The following CNTNAP5 variants were observed in gnomAD, a reference collection of about 807,000 sequenced individuals.
CNTNAP5 encodes the protein contactin-associated protein-like 5.
CNTNAP5 carries 72 observed loss-of-function variants against 150.2 expected under a neutral mutation model. That is an observed-to-expected ratio of 0.48 (90% CI 0.40 to 0.58). CNTNAP5 has a LOEUF of 0.58. Ranked by LOEUF, CNTNAP5 falls within the 20% of genes least tolerant of loss-of-function variation. CNTNAP5 has a pLI of 0.00. For missense variants in CNTNAP5, 1,636 were observed against 1,626.2 expected, an observed-to-expected ratio of 1.01 and a Z score of -0.10; for synonymous variants, 672 against 619.8, an observed-to-expected ratio of 1.08 and a Z score of -1.25.
chr2:124,739,546 C>T (rs544649744), intron 13 of CNTNAP5, among the ~76,000 whole-genome samples: 1 of 152,166 alleles, frequency 6.6e-6, no homozygotes, highest in Non-Finnish European at 1.5e-5. Flanking sequence ...CTTTGGTGGC[C>T]TCGTTCTCTA....
At chr2:124,489,764 C>T (rs775306894) in intron 7 of CNTNAP5, among the ~76,000 whole-genome samples, 3 of 152,036 alleles carry the variant, frequency 2.0e-5, no homozygotes, top group Admixed American at 6.6e-5. Context: ...CAATAGGCTG[C>T]TGGAGCTTGA....
intron 13 of CNTNAP5, among the ~76,000 whole-genome samples, chr2:124,682,806 G>C (rs1032750506): frequency 6.6e-6 from 1 of 152,094 alleles, no homozygotes. Context: ...AGTGTTGGTG[G>C]GATTTTGAAT....
At chr2:124,831,380 T>C (rs1682713483) in intron 19 of CNTNAP5, among the ~76,000 whole-genome samples, 1 of 151,922 alleles carries the variant, frequency 6.6e-6, no homozygotes, top group African/African-American at 2.4e-5. Flanking sequence ...ATTCCATTCA[T>C]ATACATTCTT....
intron 1 of CNTNAP5, among the ~76,000 whole-genome samples, chr2:124,168,928 A>C (rs1030912006): frequency 1.1e-4 from 17 of 152,098 alleles, no homozygotes; most frequent in African/African-American, 4.1e-4. Flanking sequence ...CCATCTGACC[A>C]TCCCTACCTC....
chr2:124,417,620 G>A (rs774108562), intron 4 of CNTNAP5, 30 bp downstream of exon 4: 26 of 1,598,394 alleles, frequency 1.6e-5, no homozygotes, highest in Middle Eastern at 1.7e-4. Flanking sequence ...CTTTACCATT[G>A]CTGAGTGTGA....
rs533260841 is a variant in CNTNAP5 at position 124,735,036 on chromosome 2, A to G, written c.2078-12193A>G. On this transcript the variant is annotated intron_variant, in intron 13 of 23. Transcript: ENST00000682447. ...GTTTTCAAAAACCCATATCCTGGGT[A>G]AAATGCATTAATGTATGGCTGTGTG... 3.3e-5 allele frequency among the ~76,000 whole-genome samples: 5 copies of G among 152,282 alleles called. No individual in the cohort carries two copies. The South Asian group carries it at 1.0e-3, about 32-fold the overall frequency.
At chr2:124,050,818 G>A (rs1681676583) in intron 1 of CNTNAP5, among the ~76,000 whole-genome samples, 1 of 152,192 alleles carries the variant, frequency 6.6e-6, no homozygotes, top group Non-Finnish European at 1.5e-5. Context: ...AGCTGGGATT[G>A]CACTTTGCAT....
Position 124,808,416 on chromosome 2 carries a change from C to T in CNTNAP5, c.3217+10096C>T, listed in dbSNP as rs314714. 1.8e-3 allele frequency among the ~76,000 whole-genome samples: 266 copies of T among 151,940 alleles called. 2 individuals are homozygous for T. Among genetic ancestry groups the T allele is most frequent in the African/African-American group, 5.9e-3 (244 of 41,450 alleles). The stretch of plus-strand genomic sequence containing the variant: ...CAGCCTGGCCAACATGGTGAAACTC[C>T]GTCTCTACTAAAAATACAAGAATTT... On this transcript the variant is annotated intron_variant, in intron 19 of 23. Transcript: ENST00000682447.
At chr2:124,302,987 C>T (rs368602023) in intron 3 of CNTNAP5, among the ~76,000 whole-genome samples, 2 of 152,240 alleles carry the variant, frequency 1.3e-5, no homozygotes, top group Middle Eastern at 3.4e-3. Context: ...ATTCTGACTA[C>T]GTAGATTTGC....
At chr2:124,413,324 G>C (rs1416681386) in intron 3 of CNTNAP5, among the ~76,000 whole-genome samples, 2 of 151,362 alleles carry the variant, frequency 1.3e-5, no homozygotes, top group Non-Finnish European at 2.9e-5. Context: ...TCATTGTGGC[G>C]ATTCCTCAGG....
At chr2:124,277,725 T>C (rs138822565) in intron 3 of CNTNAP5, among the ~76,000 whole-genome samples, 2 of 152,276 alleles carry the variant, frequency 1.3e-5, no homozygotes, top group Admixed American at 1.3e-4. Context: ...ACAGCTCTAA[T>C]GGAGGCAGGG....
chr2:124,688,705 A>T (rs535423572), intron 13 of CNTNAP5, among the ~76,000 whole-genome samples: 1 of 152,132 alleles, frequency 6.6e-6, no homozygotes, highest in African/African-American at 2.4e-5. Context: ...AGAGCTGTGA[A>T]ATATCTAATC....
intron 7 of CNTNAP5, among the ~76,000 whole-genome samples, chr2:124,476,054 A>T (rs1295888000): frequency 6.6e-6 from 1 of 152,042 alleles, no homozygotes; most frequent in African/African-American, 2.4e-5. Flanking sequence ...TGGTTTCTGT[A>T]GACATTATAT....
At chr2:124,100,085 TG>T (rs1683029334) in intron 1 of CNTNAP5, among the ~76,000 whole-genome samples, 1 of 128,662 alleles carries the variant, frequency 7.8e-6, no homozygotes, top group Admixed American at 7.6e-5. Flanking sequence ...CTCACCGTTA[TG>T]CAGCTTCTGC....
At chr2:124,618,942 G>A (rs1677546544) in intron 12 of CNTNAP5, among the ~76,000 whole-genome samples, 1 of 152,164 alleles carries the variant, frequency 6.6e-6, no homozygotes, top group African/African-American at 2.4e-5. Context: ...TAGAATGAAT[G>A]TAAGAAACAC....
chr2:124,645,420 T>A (rs1346007802), intron 12 of CNTNAP5, among the ~76,000 whole-genome samples: 1 of 152,136 alleles, frequency 6.6e-6, no homozygotes, highest in African/African-American at 2.4e-5. Flanking sequence ...TTTTAAAGAT[T>A]ATCTGAGTGT....
chr2:124,477,354 A>T (rs2104836144), intron 7 of CNTNAP5, among the ~76,000 whole-genome samples: 1 of 152,276 alleles, frequency 6.6e-6, no homozygotes, highest in South Asian at 2.1e-4. Flanking sequence ...ATATTAACAC[A>T]TTTTCTTGAA....
At chr2:124,240,685 C>T (rs888503908) in intron 2 of CNTNAP5, among the ~76,000 whole-genome samples, 1 of 151,866 alleles carries the variant, frequency 6.6e-6, no homozygotes, top group African/African-American at 2.4e-5. Flanking sequence ...AAAATCAAAA[C>T]TTTTCTCAAA....
At chr2:124,673,769 A>C (rs1285302788) in intron 13 of CNTNAP5, among the ~76,000 whole-genome samples, 2 of 152,040 alleles carry the variant, frequency 1.3e-5, no homozygotes, top group East Asian at 3.9e-4. Flanking sequence ...AGCATTAAAA[A>C]AAAAAAAAGA....
Sources: gnomAD v4.1 joint callset for allele counts (sites outside exome capture counted in the v4.1 genomes callset) on GRCh38, gnomAD v4.1.1 for gene constraint, MANE v1.5 for transcripts, NCBI Gene and HGNC (gene_info 2026-07-23, HGNC 2026-07-21) for gene names.